The following MICAL2 variants were observed in gnomAD, a reference collection of about 807,000 sequenced individuals.
MICAL2 encodes [F-actin]-monooxygenase MICAL2.
Under a neutral mutation model 127.3 loss-of-function variants are expected in MICAL2, and 77 were observed. The observed-to-expected ratio is 0.60, with a 90% CI of 0.50 to 0.73. MICAL2 has a LOEUF of 0.73. Among genes scored for constraint, MICAL2 ranks in the 30% least tolerant of loss-of-function variants. The pLI is 0.00. For missense variants in MICAL2, 1,351 were observed against 1,434.4 expected (o/e 0.94, Z 0.94); for synonymous variants, 570 against 551.1 (o/e 1.03, Z -0.48).
In MICAL2 at chr11:12,255,627, C is replaced by A; in HGVS notation, c.2848-16C>A. 6.2e-7 allele frequency: 1 copy of A among 1,612,710 alleles called. No homozygotes were observed. Among genetic ancestry groups the A allele is most frequent in the Non-Finnish European group, 8.5e-7 (1 of 1,178,940 alleles). ...CTACCTTTGTCTCTGTCTCCTCTGC[C>A]TCTGCTCTTGGTTAGCTGACGGTAG... On this transcript the variant is annotated splice_polypyrimidine_tract_variant and intron_variant, in intron 22 of 27. Transcript: ENST00000683283.
chr11:12,352,295 G>C (rs1939063498), intron 33 of MICAL2, among the ~76,000 whole-genome samples: 1 of 152,190 alleles, frequency 6.6e-6, no homozygotes, highest in Non-Finnish European at 1.5e-5. Context: ...GACTATGCTG[G>C]GTTCTGTGAA....
intron 4 of MICAL2, among the ~76,000 whole-genome samples, chr11:12,206,257 T>G (rs964320630): frequency 6.6e-6 from 1 of 152,172 alleles, no homozygotes; most frequent in Non-Finnish European, 1.5e-5. Context: ...CTGGGCTGGT[T>G]GGGCTGGCTT....
intron 3 of MICAL2, among the ~76,000 whole-genome samples, chr11:12,183,401 C>A (rs1043515555): frequency 1.3e-5 from 2 of 152,156 alleles, no homozygotes; most frequent in African/African-American, 4.8e-5. Context: ...GACATCTGTC[C>A]ACACTCAGCA....
intron 5 of MICAL2, among the ~76,000 whole-genome samples, chr11:12,209,179 G>A (rs551437328): frequency 5.9e-5 from 9 of 152,318 alleles, no homozygotes; most frequent in Non-Finnish European, 1.2e-4. Context: ...AGAAGATGGT[G>A]GACTTTGTTG....
intron 2 of MICAL2, among the ~76,000 whole-genome samples, chr11:12,140,979 C>A (rs1852294400): frequency 6.6e-6 from 1 of 152,182 alleles, no homozygotes; most frequent in South Asian, 2.1e-4. Flanking sequence ...TTCTCACTGA[C>A]CTCTGAACTT....
chr11:12,304,144 A>G (rs531407713), intron 29 of MICAL2, among the ~76,000 whole-genome samples: 1 of 152,318 alleles, frequency 6.6e-6, no homozygotes, highest in African/African-American at 2.4e-5. Context: ...GGCTATTAGA[A>G]AATTTTTAAT....
At chr11:12,341,312 T>C (rs1232515853) in intron 32 of MICAL2, among the ~76,000 whole-genome samples, 2 of 152,010 alleles carry the variant, frequency 1.3e-5, no homozygotes, top group Non-Finnish European at 2.9e-5. Context: ...TTAGGACTTC[T>C]CACAGATTCT....
intron 3 of MICAL2, among the ~76,000 whole-genome samples, chr11:12,170,421 G>GC (rs1311190036): frequency 2.6e-5 from 4 of 152,032 alleles, no homozygotes; most frequent in Non-Finnish European, 5.9e-5. Context: ...CAGCACTCCA[G>GC]CCTGGGTGAA....
Position 12,242,737 on chromosome 11 carries a change from C to T in MICAL2, c.2623C>T (p.Leu875Phe), listed in dbSNP as rs762786650. The T allele has an allele frequency of 6.2e-7, 1 of 1,611,466 alleles. No individual in the cohort carries two copies. Among genetic ancestry groups the T allele is most frequent in the East Asian group, 2.2e-5 (1 of 44,602 alleles). ...TKNIKEKAAH[L>F]ASMFGHGDFP... Reference sequence around the variant, plus strand: ...GAACATTAAGGAGAAGGCGGCTCACCTTGCCTCCATGTTTGGACACGGGGA... The same window carrying T: ...GAACATTAAGGAGAAGGCGGCTCACTTTGCCTCCATGTTTGGACACGGGGA... The change falls in exon 20 of 28, where the codon CTT becomes TTT. Residue 875 changes from leucine (L) to phenylalanine (F), a missense_variant. Physicochemically the swap from Leu to Phe is conservative, Grantham distance 22 (BLOSUM62 0). Transcript: ENST00000683283.
At chr11:12,349,634 C>T (rs527832395) in intron 32 of MICAL2, among the ~76,000 whole-genome samples, 4 of 152,082 alleles carry the variant, frequency 2.6e-5, no homozygotes, top group African/African-American at 9.7e-5. Flanking sequence ...TCCAAGAAGA[C>T]CCCCTCACAC....
intron 15 of MICAL2, among the ~76,000 whole-genome samples, chr11:12,232,542 G>C (rs1024794068): frequency 2.0e-5 from 3 of 152,152 alleles, no homozygotes; most frequent in African/African-American, 7.2e-5. Flanking sequence ...GGCCAACAAA[G>C]TGAAACCCTG....
At chr11:12,275,437 GT>G (rs1005812871), upstream of MICAL2, among the ~76,000 whole-genome samples, 36 of 152,290 alleles carry the variant, frequency 2.4e-4, no homozygotes, top group African/African-American at 8.4e-4. Context: ...CAGAGACTGA[GT>G]CCCGGGATCT....
Position 12,262,661 on chromosome 11 carries a change from T to C in MICAL2, c.*17+124T>C, listed in dbSNP as rs117237771. ...GTGAGTGTCTTGCATACTGATGGAC[T>C]CATTTGGTGGCATGGTTGGCTAACA... On this transcript the variant is annotated intron_variant, in intron 27 of 27. Coordinates refer to ENST00000683283, the MANE Select transcript of MICAL2 (RefSeq NM_001282663.2). 7,400 of 825,548 alleles carry C rather than the reference T, an allele frequency of 9.0e-3. 58 individuals carry two copies. The highest frequency in any genetic ancestry group is 0.013 in the Non-Finnish European group (6,251 of 492,486). The allele number at this position is 825,548 out of a possible 1,614,324, so 51.1% of individuals were successfully genotyped here. A position where few individuals can be genotyped will look rare whatever the true frequency, so the allele number is the denominator to read the frequency against.
At chr11:12,292,149 C>T (rs376887641), downstream of MICAL2, 68 of 1,613,344 alleles carry the variant, frequency 4.2e-5, no homozygotes, top group Admixed American at 2.7e-4. Flanking sequence ...GTAGGTTTGA[C>T]GCCAGTGAAC....
intron 1 of MICAL2, among the ~76,000 whole-genome samples, chr11:12,115,168 A>G (rs1003399552): frequency 2.6e-5 from 4 of 152,214 alleles, no homozygotes; most frequent in Admixed American, 2.6e-4. Flanking sequence ...ATGGAAAATA[A>G]GTGTTTATAA....
At chr11:12,358,896 G>A (rs569330864), downstream of MICAL2, 11 of 153,132 alleles carry the variant, frequency 7.2e-5, no homozygotes, top group African/African-American at 2.2e-4. Flanking sequence ...TTTTTGTATG[G>A]ATGACCAGTT....
intron 1 of MICAL2, among the ~76,000 whole-genome samples, chr11:12,278,217 C>T (rs1863740299): frequency 6.6e-6 from 1 of 152,164 alleles, no homozygotes; most frequent in African/African-American, 2.4e-5. Context: ...AATAAATTGG[C>T]TTACTGTAAC....
intron 30 of MICAL2, among the ~76,000 whole-genome samples, chr11:12,321,532 C>T (rs1864296003): frequency 6.6e-6 from 1 of 152,212 alleles, no homozygotes; most frequent in Non-Finnish European, 1.5e-5. Context: ...GACGCAGCAG[C>T]TTGTCTTTGA....
In MICAL2 at chr11:12,146,170, C is replaced by G. The variant is rs569639355; in HGVS notation, c.-78+7710C>G. Among the ~76,000 whole-genome samples, 7 of 152,238 alleles carry G rather than the reference C, an allele frequency of 4.6e-5. No individual in the cohort carries two copies. The East Asian group carries it at 1.4e-3, about 29-fold the overall frequency. ...ATAGGCATGGGCAAGGACTTCATGT[C>G]TAAAACACCAAAAGCAATGGCAACA... is the stretch of plus-strand genomic sequence containing the variant. On this transcript the variant is annotated intron_variant, in intron 2 of 27. Coordinates refer to ENST00000683283, the MANE Select transcript of MICAL2 (RefSeq NM_001282663.2).
Sources: gnomAD v4.1 joint callset for allele counts (sites outside exome capture counted in the v4.1 genomes callset) on GRCh38, gnomAD v4.1.1 for gene constraint, MANE v1.5 for transcripts, NCBI Gene and HGNC (gene_info 2026-07-23, HGNC 2026-07-21) for gene names.